The following CRADD variants were observed in gnomAD, a reference collection of about 807,000 sequenced individuals.
CRADD encodes death domain-containing protein CRADD.
In CRADD, 9 loss-of-function variants were observed where a neutral mutation model predicts 15.5. That is an observed-to-expected ratio of 0.58 (90% CI 0.35 to 1.01). The LOEUF (loss-of-function observed/expected upper bound fraction) is 1.01, where lower values mean the gene tolerates loss of function less well. CRADD is among the 50% of genes least tolerant of loss of function. The probability of loss-of-function intolerance (pLI) is 0.02; values close to 1 mark genes in which losing one functional copy is unlikely to be tolerated. For missense variants in CRADD, 227 were observed against 250.3 expected (o/e 0.91, Z 0.63); for synonymous variants, 118 against 107.6 (o/e 1.10, Z -0.60).
intron 2 of CRADD, among the ~76,000 whole-genome samples, chr12:93,825,572 T>G (rs1386665973): frequency 6.6e-6 from 1 of 152,218 alleles, no homozygotes; most frequent in Non-Finnish European, 1.5e-5. Context: ...AAGCTTGGAA[T>G]GGAGCATGTG....
rs1956590133 is a variant in CRADD at position 93,737,403 on chromosome 12, AAT to A, written c.298+58332_298+58333del. Among the ~76,000 whole-genome samples the A allele has an allele frequency of 2.6e-5, 4 of 152,362 alleles. No individual in the cohort carries two copies. The South Asian group carries it at 8.3e-4, about 32-fold the overall frequency. ...ATACTGTATGTGCCAGATAAAAGTC[AAT>A]GTCTATTATGTAAACATTGAGATTA... On this transcript the variant is annotated intron_variant, in intron 2 of 2. Coordinates refer to ENST00000332896, the MANE Select transcript of CRADD (RefSeq NM_003805.5).
intron 2 of CRADD, among the ~76,000 whole-genome samples, chr12:93,862,941 A>G (rs1958329537): frequency 1.3e-5 from 2 of 152,310 alleles, no homozygotes; most frequent in Admixed American, 1.3e-4. Flanking sequence ...CTTGAGTGGT[A>G]TGCAAAAAAC....
chr12:93,801,538 A>G (rs1247721574), intron 2 of CRADD, among the ~76,000 whole-genome samples: 19 of 151,924 alleles, frequency 1.3e-4, no homozygotes, highest in Admixed American at 1.2e-3. Flanking sequence ...AGCTGGGATT[A>G]CAAGCACCCG....
intron 2 of CRADD, among the ~76,000 whole-genome samples, chr12:93,681,826 A>G (rs532281025): frequency 1.4e-3 from 206 of 152,052 alleles, no homozygotes; most frequent in Non-Finnish European, 2.5e-3. Flanking sequence ...TAAAATCTTC[A>G]TATGTTTTTG....
rs1044985357 is a variant in CRADD at position 93,677,378 on chromosome 12, A to G, written c.-101A>G. 1 of 152,256 alleles carries G rather than the reference A, an allele frequency of 6.6e-6. No individual in the cohort carries two copies. The highest frequency in any genetic ancestry group is 1.5e-5 in the Non-Finnish European group (1 of 68,044). 9.4% of individuals were successfully genotyped at this position (152,256 alleles called of 1,614,324 possible). On this transcript the variant is annotated 5_prime_UTR_variant, in exon 1 of 3. Transcript: ENST00000332896. ...ACACTTCCTGTTTAGGGTTTTCGCC[A>G]TTAACAAAGATGGTGCTTATGGGGC... is the stretch of plus-strand genomic sequence containing the variant.
At chr12:93,860,675 A>G (rs1183817269) in intron 2 of CRADD, among the ~76,000 whole-genome samples, 1 of 152,154 alleles carries the variant, frequency 6.6e-6, no homozygotes, top group Non-Finnish European at 1.5e-5. Context: ...TAAAATGGGA[A>G]AACCCTGAGA....
intron 2 of CRADD, among the ~76,000 whole-genome samples, chr12:93,783,476 A>T (rs1218435975): frequency 6.6e-6 from 1 of 151,976 alleles, no homozygotes; most frequent in Non-Finnish European, 1.5e-5. Context: ...ATTAAGATAG[A>T]TCAAGTGGAG....
At chr12:93,684,342 C>T (rs1955386233) in intron 2 of CRADD, among the ~76,000 whole-genome samples, 1 of 152,182 alleles carries the variant, frequency 6.6e-6, no homozygotes, top group African/African-American at 2.4e-5. Flanking sequence ...ATTAGATTCT[C>T]ATAAGGAGTG....
chr12:93,879,027 T>C (rs921856399), intron 2 of CRADD, among the ~76,000 whole-genome samples: 19 of 152,200 alleles, frequency 1.2e-4, no homozygotes, highest in Non-Finnish European at 2.4e-4. Context: ...CAGATTTTTT[T>C]CTTCTGAATC....
chr12:93,735,066 A>C (rs1334857504), intron 2 of CRADD, among the ~76,000 whole-genome samples: 3 of 152,288 alleles, frequency 2.0e-5, no homozygotes, highest in Admixed American at 1.3e-4. Flanking sequence ...ATGGGGGCAG[A>C]ACACTAGTTA....
chr12:93,762,758 A>C (rs4144500), intron 2 of CRADD, among the ~76,000 whole-genome samples: 9 of 151,834 alleles, frequency 5.9e-5, no homozygotes, highest in Non-Finnish European at 1.2e-4. Flanking sequence ...TACAGTATCA[A>C]ACTTTTTTTT....
At chr12:93,804,725 T>C (rs536088022) in intron 2 of CRADD, among the ~76,000 whole-genome samples, 2 of 152,072 alleles carry the variant, frequency 1.3e-5, no homozygotes, top group South Asian at 2.1e-4. Flanking sequence ...AGCAAAACAG[T>C]TGGAAAATAA....
At chr12:93,853,610 T>C (rs1485885), downstream of CRADD, among the ~76,000 whole-genome samples, 35,249 of 152,128 alleles carry the variant, frequency 0.23, 4,410 homozygotes, top group East Asian at 0.45. Flanking sequence ...TGCACTCTTA[T>C]ATCCTCAAAA....
intron 2 of CRADD, chr12:93,738,447 G>A: frequency 2.8e-6 from 2 of 702,304 alleles, no homozygotes; most frequent in Middle Eastern, 2.3e-4. Context: ...TGCCCACTCT[G>A]TTATGAAGTC....
intron 2 of CRADD, among the ~76,000 whole-genome samples, chr12:93,722,808 C>T (rs1956288222): frequency 6.6e-6 from 1 of 152,114 alleles, no homozygotes; most frequent in Middle Eastern, 3.2e-3. Flanking sequence ...ACATCCTTGT[C>T]ATGTCTGTTT....
At chr12:93,820,562 A>G (rs1957758548) in intron 2 of CRADD, among the ~76,000 whole-genome samples, 1 of 151,280 alleles carries the variant, frequency 6.6e-6, no homozygotes, top group African/African-American at 2.4e-5. Context: ...AAAAAAAAAA[A>G]GAAAAAAAAG....
intron 2 of CRADD, among the ~76,000 whole-genome samples, chr12:93,746,261 A>G (rs1042586578): frequency 3.9e-5 from 6 of 152,250 alleles, no homozygotes; most frequent in Non-Finnish European, 7.3e-5. Context: ...TCTGCTAGAA[A>G]GGTTAACTCT....
At chr12:93,771,523 TATG>T (rs1957085304) in intron 2 of CRADD, among the ~76,000 whole-genome samples, 1 of 152,206 alleles carries the variant, frequency 6.6e-6, no homozygotes, top group South Asian at 2.1e-4. Flanking sequence ...ATTTACAAAA[TATG>T]TCTGTGTGAT....
intron 2 of CRADD, among the ~76,000 whole-genome samples, chr12:93,766,409 A>T (rs1429256604): frequency 1.3e-5 from 2 of 152,238 alleles, no homozygotes; most frequent in Non-Finnish European, 2.9e-5. Context: ...AAAGTAATTA[A>T]AGATACTGCT....
Sources: gnomAD v4.1 joint callset for allele counts (sites outside exome capture counted in the v4.1 genomes callset) on GRCh38, gnomAD v4.1.1 for gene constraint, MANE v1.5 for transcripts, NCBI Gene and HGNC (gene_info 2026-07-23, HGNC 2026-07-21) for gene names.